Variants in SLC9A2 observed in about 807,000 individuals in gnomAD.
SLC9A2 encodes solute carrier family 9 member A2.
A neutral mutation model predicts 71.7 loss-of-function variants in SLC9A2; 42 were observed. The observed-to-expected ratio is 0.59, with a 90% confidence interval of 0.46 to 0.76. The LOEUF (loss-of-function observed/expected upper bound fraction) is 0.76, where lower values mean the gene tolerates loss of function less well. Among genes scored for constraint, SLC9A2 ranks in the 30% least tolerant of loss-of-function variants. The pLI, the probability that SLC9A2 is intolerant of heterozygous loss-of-function variation, is 0.00. For synonymous variants in SLC9A2, 396 were observed against 392.5 expected (o/e 1.01, Z -0.10); for missense variants, 829 against 1,017.4 (o/e 0.81, Z 2.52).
intron 3 of SLC9A2, among the ~76,000 whole-genome samples, chr2:102,679,174 G>A (rs1349508555): frequency 6.6e-6 from 1 of 152,114 alleles, no homozygotes; most frequent in African/African-American, 2.4e-5. Context: ...ACTAGGGTCT[G>A]TGGTACCCAC....
In SLC9A2 at chr2:102,620,000, G is replaced by T; in HGVS notation, c.152G>T (p.Ser51Ile). Reference sequence around the variant, plus strand: ...ATGGGCACCAGTTCCAGCCCGCCTAGCCCTGCGAGCGTGGTGGCTCCCGGA... The same window carrying T: ...ATGGGCACCAGTTCCAGCCCGCCTATCCCTGCGAGCGTGGTGGCTCCCGGA... ...RAMGTSSSPPSPASVVAPGTT... is the reference protein window; with the variant it reads ...RAMGTSSSPPIPASVVAPGTT... The change falls in exon 1 of 12, where the codon AGC becomes ATC. Residue 51 changes from serine (S) to isoleucine (I), a missense_variant. This residue lies in a region of SLC9A2 where 106 missense variants were observed against 93.5 expected (regional missense o/e 1.13). Coordinates refer to ENST00000233969, the MANE Select transcript of SLC9A2 (RefSeq NM_003048.6). This position sits in a 1 kb window ranked among gnomAD's most constrained non-coding sequence, Gnocchi z 4.3. The T allele has an allele frequency of 6.2e-7, 1 of 1,614,050 alleles. No individual in the cohort carries two copies. Among genetic ancestry groups the T allele is most frequent in the Non-Finnish European group, 8.5e-7 (1 of 1,180,004 alleles).
intron 5 of SLC9A2, among the ~76,000 whole-genome samples, chr2:102,685,597 A>G (rs532739314): frequency 1.3e-5 from 2 of 152,148 alleles, no homozygotes; most frequent in Non-Finnish European, 2.9e-5. Flanking sequence ...GGAGCAACCT[A>G]TGGGATTCCC....
At chr2:102,680,158 AT>A (rs11464839) in intron 3 of SLC9A2, among the ~76,000 whole-genome samples, 22 of 151,382 alleles carry the variant, frequency 1.5e-4, no homozygotes, top group South Asian at 6.3e-4. Context: ...ACTTGGCAAC[AT>A]TTTTTTTTCC....
At chr2:102,668,091 A>T (rs1677176969) in intron 3 of SLC9A2, among the ~76,000 whole-genome samples, 1 of 152,094 alleles carries the variant, frequency 6.6e-6, no homozygotes, top group Admixed American at 6.6e-5. Flanking sequence ...TAAAAAATAA[A>T]AAAAAAACTA....
chr2:102,709,965 A>C lies in SLC9A2; in HGVS notation c.*1476A>C, dbSNP rs1218391474. On this transcript the variant is annotated 3_prime_UTR_variant, in exon 12 of 12. Transcript: ENST00000233969. Reference sequence around the variant, plus strand: ...ATCAGGAGGAGAACATGAAAATATTAAGACAAAAATCCTCAGCAGTTGTTC... The same window carrying C: ...ATCAGGAGGAGAACATGAAAATATTCAGACAAAAATCCTCAGCAGTTGTTC... 1 of 152,556 alleles carries C rather than the reference A, an allele frequency of 6.6e-6. No individual in the cohort carries two copies. The highest frequency in any genetic ancestry group is 2.4e-5 in the African/African-American group (1 of 41,460). The allele number at this position is 152,556 out of a possible 1,614,324, so 9.5% of individuals were successfully genotyped here.
At chr2:102,696,058 C>T (rs568973899) in intron 7 of SLC9A2, among the ~76,000 whole-genome samples, 2 of 151,858 alleles carry the variant, frequency 1.3e-5, no homozygotes, top group East Asian at 3.9e-4. Flanking sequence ...TGGTTCAATT[C>T]TGACAGCAGA....
rs776773583 is a variant in SLC9A2 at position 102,620,011 on chromosome 2, G to A, written c.163G>A (p.Val55Met). 7.4e-6 allele frequency: 12 copies of A among 1,614,138 alleles called. No individual in the cohort carries two copies. Among genetic ancestry groups the A allele is most frequent in the South Asian group, 6.6e-5 (6 of 91,076 alleles). ...TSSSPPSPAS[V>M]VAPGTTLFEE... ...TTCCAGCCCGCCTAGCCCTGCGAGC[G>A]TGGTGGCTCCCGGAACGACGCTGTT... is the stretch of plus-strand genomic sequence containing the variant. Residue 55 changes from valine (V) to methionine (M), a missense_variant, in exon 1 of 12, where the codon GTG (valine) becomes ATG (methionine). Physicochemically the swap from Val to Met is conservative, Grantham distance 21. Coordinates refer to ENST00000233969, the MANE Select transcript of SLC9A2 (RefSeq NM_003048.6).
intron 5 of SLC9A2, among the ~76,000 whole-genome samples, chr2:102,685,298 C>T (rs7595487): frequency 0.022 from 3,388 of 152,182 alleles, 133 homozygotes; most frequent in African/African-American, 0.075. Context: ...GAGAATGAGG[C>T]GAAGCAGGGT....
chr2:102,700,054 C>T (rs1677844094), intron 7 of SLC9A2, among the ~76,000 whole-genome samples: 1 of 152,128 alleles, frequency 6.6e-6, no homozygotes, highest in African/African-American at 2.4e-5. Context: ...GGACACAATT[C>T]AGCCCATAAC....
In SLC9A2 at chr2:102,627,263, C is replaced by T. The variant is rs370710477; in HGVS notation, c.289+7126C>T. Among the ~76,000 whole-genome samples the T allele has an allele frequency of 8.5e-5, 13 of 152,134 alleles. No individual in the cohort carries two copies. The East Asian group carries it at 1.2e-3, about 14-fold the overall frequency. On this transcript the variant is annotated intron_variant, in intron 1 of 11. Coordinates refer to ENST00000233969, the MANE Select transcript of SLC9A2 (RefSeq NM_003048.6). Reference sequence around the variant, plus strand: ...AGGAGTTCAAAGTTACAGTGATCTGCGATGATGCCACTGCACTCCAGTGGG... The same window carrying T: ...AGGAGTTCAAAGTTACAGTGATCTGTGATGATGCCACTGCACTCCAGTGGG...
chr2:102,674,594 C>T lies in SLC9A2; in HGVS notation c.1005-8667C>T, dbSNP rs373267371. 9.8e-5 allele frequency among the ~76,000 whole-genome samples: 15 copies of T among 152,320 alleles called. No homozygotes were observed. The East Asian group carries it at 1.4e-3, about 14-fold the overall frequency. On this transcript the variant is annotated intron_variant, in intron 3 of 11. Transcript: ENST00000233969. ...ACTTGTGTCCTCACAGTTAATCCCC[C>T]GTTATTTGACATAACTTGAGTCACC...
At chr2:102,670,834 A>G (rs1048875811) in intron 3 of SLC9A2, among the ~76,000 whole-genome samples, 2 of 148,456 alleles carry the variant, frequency 1.3e-5, no homozygotes, top group African/African-American at 5.0e-5. Context: ...TTTGAGAAAA[A>G]AATAGGAAGG....
chr2:102,679,165 C>CTGG (rs1677401031), intron 3 of SLC9A2, among the ~76,000 whole-genome samples: 1 of 152,152 alleles, frequency 6.6e-6, no homozygotes, highest in Non-Finnish European at 1.5e-5. Flanking sequence ...CTACCAGATA[C>CTGG]TAGGGTCTGT....
chr2:102,692,963 A>G (rs987952406), intron 5 of SLC9A2, among the ~76,000 whole-genome samples: 1 of 151,922 alleles, frequency 6.6e-6, no homozygotes, highest in East Asian at 1.9e-4. Context: ...ATATCTATGC[A>G]TATTTAGTAT....
chr2:102,650,503 A>T (rs1004590811), intron 1 of SLC9A2, among the ~76,000 whole-genome samples: 26 of 152,312 alleles, frequency 1.7e-4, no homozygotes, highest in Admixed American at 1.2e-3. Flanking sequence ...AAAAATAATT[A>T]AAAAAGAATT....
intron 5 of SLC9A2, among the ~76,000 whole-genome samples, chr2:102,693,186 T>C (rs1677695995): frequency 6.6e-6 from 1 of 152,324 alleles, no homozygotes; most frequent in Admixed American, 6.5e-5. Flanking sequence ...TGTTAGTTAC[T>C]GTACCAAATT....
chr2:102,665,773 TAAAAAA>T (rs11426516), intron 3 of SLC9A2, among the ~76,000 whole-genome samples: 713 of 38,798 alleles, frequency 0.018, 26 homozygotes, highest in African/African-American at 0.046. Context: ...GACTCTGTCT[TAAAAAA>T]AAAAAAAAAA....
chr2:102,695,582 G>T lies in SLC9A2; in HGVS notation c.1586+469G>T, dbSNP rs1282026538. Among the ~76,000 whole-genome samples the T allele has an allele frequency of 2.0e-5, 3 of 151,432 alleles. No homozygotes were observed. The East Asian group carries it at 5.8e-4, about 29-fold the overall frequency. ...TGCCATATGATTCTTCTGATCATTG[G>T]CTTGGACTCAGTCCTATGGCCATTC... On this transcript the variant is annotated intron_variant, in intron 7 of 11. Coordinates refer to ENST00000233969, the MANE Select transcript of SLC9A2 (RefSeq NM_003048.6).
At chr2:102,628,185 A>G (rs1419911944) in intron 1 of SLC9A2, among the ~76,000 whole-genome samples, 1 of 152,202 alleles carries the variant, frequency 6.6e-6, no homozygotes, top group Non-Finnish European at 1.5e-5. Flanking sequence ...ACAAATAATA[A>G]TAACAATAAA....
Sources: allele counts gnomAD v4.1 joint callset (sites outside exome capture counted in the v4.1 genomes callset), GRCh38; gene constraint gnomAD v4.1.1; regional missense constraint gnomAD v4.1.1; non-coding constraint Gnocchi (gnomAD v3.1); transcripts MANE v1.5; gene names NCBI Gene and HGNC (gene_info 2026-07-23, HGNC 2026-07-21).